Variants in CALCRL observed in about 807,000 individuals in gnomAD.
CALCRL encodes calcitonin receptor like receptor.
A neutral mutation model predicts 60.4 loss-of-function variants in CALCRL; 27 were observed. That is an observed-to-expected ratio of 0.45 (90% CI 0.33 to 0.62). The LOEUF is 0.62. Among genes scored for constraint, CALCRL ranks in the 20% least tolerant of loss-of-function variants. The pLI, the probability that CALCRL is intolerant of heterozygous loss-of-function variation, is 0.03. For missense variants in CALCRL, 424 were observed against 540.7 expected, an observed-to-expected ratio of 0.78 and a Z score of 2.14; for synonymous variants, 190 against 182.6, an observed-to-expected ratio of 1.04 and a Z score of -0.33.
intron 4 of CALCRL, among the ~76,000 whole-genome samples, chr2:187,383,944 C>T (rs1033578368): frequency 1.3e-5 from 2 of 152,090 alleles, no homozygotes; most frequent in African/African-American, 4.8e-5. Flanking sequence ...TTCAATTCTA[C>T]TTTAGTTTCC....
chr2:187,428,410 G>A (rs899710249), intron 1 of CALCRL: 2 of 152,116 alleles, frequency 1.3e-5, no homozygotes, highest in African/African-American at 2.4e-5. Flanking sequence ...ATAAGTATTT[G>A]TAAACATTCT....
At chr2:187,384,449 A>G (rs1206284508) in intron 4 of CALCRL, among the ~76,000 whole-genome samples, 1 of 152,192 alleles carries the variant, frequency 6.6e-6, no homozygotes, top group Non-Finnish European at 1.5e-5. Flanking sequence ...AGGAAGAGTC[A>G]CAATTTCTTA....
intron 1 of CALCRL, among the ~76,000 whole-genome samples, chr2:187,392,002 A>G (rs1688466629): frequency 3.9e-5 from 6 of 152,148 alleles, no homozygotes; most frequent in Admixed American, 3.9e-4. Flanking sequence ...TTTATTGTAC[A>G]TAAGCATTAG....
At chr2:187,424,493 A>G (rs531909192) in intron 1 of CALCRL, among the ~76,000 whole-genome samples, 21 of 152,214 alleles carry the variant, frequency 1.4e-4, no homozygotes, top group African/African-American at 4.6e-4. Flanking sequence ...TGCAAATATT[A>G]TTTCATTTGT....
intron 12 of CALCRL, among the ~76,000 whole-genome samples, chr2:187,354,791 A>C (rs1016666729): frequency 2.6e-5 from 4 of 152,066 alleles, no homozygotes; most frequent in Non-Finnish European, 5.9e-5. Flanking sequence ...TAAAGTTTAC[A>C]TGAACAGATG....
intron 5 of CALCRL, among the ~76,000 whole-genome samples, 199 bp downstream of exon 5, chr2:187,382,974 C>T (rs566592054): frequency 5.5e-4 from 83 of 152,116 alleles, no homozygotes; most frequent in African/African-American, 1.9e-3. Context: ...AGATCACTGT[C>T]ACATATTTTT....
rs1691276676 is a variant in CALCRL at position 187,448,136 on chromosome 2, G to A, written c.-390C>T. Reference sequence around the variant, plus strand: ...AAGAGATTTACCCACAAGCAAGGTGGGAAAGAGTGAAAGCTTTGCAATGTG... The same window carrying A: ...AAGAGATTTACCCACAAGCAAGGTGAGAAAGAGTGAAAGCTTTGCAATGTG... On this transcript the variant is annotated 5_prime_UTR_variant, in exon 1 of 15. Transcript: ENST00000392370. The A allele has an allele frequency of 6.6e-6, 1 of 152,092 alleles. No homozygotes were observed. Among genetic ancestry groups the A allele is most frequent in the South Asian group, 2.1e-4 (1 of 4,822 alleles). 9.4% of individuals were successfully genotyped at this position (152,092 alleles called of 1,614,324 possible). A position where few individuals can be genotyped will look rare whatever the true frequency, so the allele number is the denominator to read the frequency against.
chr2:187,366,249 C>CAAGAAAAAAAAAAAAAA (rs1687281967), intron 8 of CALCRL, among the ~76,000 whole-genome samples: 1 of 94,630 alleles, frequency 1.1e-5, no homozygotes, highest in Non-Finnish European at 2.0e-5. Context: ...GACTCCGTCT[C>CAAGAAAAAAAAAAAAAA]AAAAAAAAAA....
At chr2:187,414,352 T>C (rs1689501488) in intron 1 of CALCRL, among the ~76,000 whole-genome samples, 1 of 152,154 alleles carries the variant, frequency 6.6e-6, no homozygotes, top group Non-Finnish European at 1.5e-5. Flanking sequence ...TAGTCAACCC[T>C]ACTCCATTCT....
At position 187,356,058 on chromosome 2, in the gene CALCRL, A is replaced by G. The variant is rs113161174; in HGVS notation, c.909+3005T>C. On this transcript the variant is annotated intron_variant, in intron 12 of 14. Coordinates refer to ENST00000392370, the MANE Select transcript of CALCRL (RefSeq NM_005795.6). ...CATACATAGAAGAATCAATATCGTG[A>G]AAATGGCCATACTACCCAAAGTAAT... Among the ~76,000 whole-genome samples the G allele has an allele frequency of 4.3e-3, 658 of 152,300 alleles. 3 individuals carry two copies. Among genetic ancestry groups the G allele is most frequent in the African/African-American group, 0.015 (609 of 41,556 alleles).
In CALCRL at chr2:187,342,779, T is replaced by G. The variant is rs11892548; in HGVS notation, c.*3405A>C. 0.014 allele frequency among the ~76,000 whole-genome samples: 2,095 copies of G among 151,734 alleles called. 46 individuals carry two copies. Among genetic ancestry groups the G allele is most frequent in the African/African-American group, 0.048 (1,981 of 41,496 alleles). On this transcript the variant is annotated 3_prime_UTR_variant, in exon 15 of 15. Transcript: ENST00000392370. ...TATAAATTTATTTCAACATTTTTAA[T>G]ATTCTCATATAGTGTGATATTTTGA...
intron 1 of CALCRL, among the ~76,000 whole-genome samples, chr2:187,444,554 T>A (rs1691081170): frequency 6.6e-6 from 1 of 151,610 alleles, no homozygotes; most frequent in South Asian, 2.1e-4. Flanking sequence ...TAGTTTTGAA[T>A]AATACTGTCT....
intron 1 of CALCRL, among the ~76,000 whole-genome samples, chr2:187,417,809 A>C (rs572536714): frequency 6.6e-6 from 1 of 152,182 alleles, no homozygotes; most frequent in Admixed American, 6.5e-5. Context: ...TTTTGTGATA[A>C]AAGTTAATTT....
At chr2:187,436,196 T>C (rs376126500) in intron 1 of CALCRL, among the ~76,000 whole-genome samples, 5 of 152,298 alleles carry the variant, frequency 3.3e-5, no homozygotes, top group African/African-American at 1.2e-4. Context: ...TCTATTGTGT[T>C]ATTATGCCCT....
chr2:187,366,855 A>G (rs1687316196), intron 8 of CALCRL, among the ~76,000 whole-genome samples: 1 of 150,654 alleles, frequency 6.6e-6, no homozygotes, highest in Non-Finnish European at 1.5e-5. Context: ...TTGAAAGGTA[A>G]GTACTTAAAA....
chr2:187,399,602 A>G (rs1688800076), intron 1 of CALCRL, among the ~76,000 whole-genome samples: 2 of 151,654 alleles, frequency 1.3e-5, no homozygotes, highest in Non-Finnish European at 3.0e-5. Flanking sequence ...CATATTTGAA[A>G]GCGACTTATA....
At chr2:187,393,203 C>G (rs1270657931) in intron 1 of CALCRL, among the ~76,000 whole-genome samples, 1 of 151,988 alleles carries the variant, frequency 6.6e-6, no homozygotes, top group African/African-American at 2.4e-5. Context: ...GTTAAAATGG[C>G]CAGGCCCCAC....
chr2:187,419,250 T>G (rs1689765524), intron 1 of CALCRL, among the ~76,000 whole-genome samples: 1 of 152,096 alleles, frequency 6.6e-6, no homozygotes, highest in Non-Finnish European at 1.5e-5. Flanking sequence ...TATTTGGGCA[T>G]GACACCTTTA....
chr2:187,432,470 T>G (rs1323514192), intron 1 of CALCRL, among the ~76,000 whole-genome samples: 1 of 152,108 alleles, frequency 6.6e-6, no homozygotes, highest in African/African-American at 2.4e-5. Context: ...CAATAATTTC[T>G]TTAAAGTCAA....
Sources: allele counts gnomAD v4.1 joint callset (sites outside exome capture counted in the v4.1 genomes callset), GRCh38; gene constraint gnomAD v4.1.1; transcripts MANE v1.5; gene names NCBI Gene and HGNC (gene_info 2026-07-23, HGNC 2026-07-21).